Variants in BIRC6 observed in about 807,000 individuals in gnomAD.
BIRC6 encodes the protein dual E2 ubiquitin-conjugating enzyme/E3 ubiquitin-protein ligase BIRC6.
Under a neutral mutation model 503.3 loss-of-function variants are expected in BIRC6, and 98 were observed. The observed-to-expected ratio is 0.19, with a 90% CI of 0.17 to 0.23. BIRC6 has a LOEUF of 0.23. Among genes scored for constraint, BIRC6 ranks in the 10% least tolerant of loss-of-function variants. The pLI is 1.00. For synonymous variants in BIRC6, 2,240 were observed against 2,078.7 expected (o/e 1.08, Z -2.11); for missense variants, 5,360 against 5,806.0 (o/e 0.92, Z 2.50).
At chr2:32,510,378 C>T in intron 52 of BIRC6, 148 bp from the exon 53 acceptor site, 1 of 622,498 alleles carries the variant, frequency 1.6e-6, no homozygotes, top group Non-Finnish European at 2.8e-6. Context: ...TGCACCCAGC[C>T]TAGTTTCATT....
At chr2:32,572,802 T>G (rs1573100306) in intron 65 of BIRC6, among the ~76,000 whole-genome samples, 1 of 152,178 alleles carries the variant, frequency 6.6e-6, no homozygotes. Context: ...CACTGGAAGG[T>G]GTAAAATGAC....
At chr2:32,401,078 G>A (rs2040555593) in intron 6 of BIRC6, 85 bp from the exon 7 acceptor site, 1 of 1,160,232 alleles carries the variant, frequency 8.6e-7, no homozygotes, top group African/African-American at 1.5e-5. Flanking sequence ...GTTAAAAAAA[G>A]ATGATGATCC....
In BIRC6 at chr2:32,429,127, GAA is replaced by G. The variant is rs2043836623; in HGVS notation, c.2873-17_2873-16del. The G allele has an allele frequency of 6.4e-7, 1 of 1,561,826 alleles. No homozygotes were observed. The highest frequency in any genetic ancestry group is 2.3e-5 in the East Asian group (1 of 43,712). On this transcript the variant is annotated splice_polypyrimidine_tract_variant and intron_variant, in intron 10 of 73. Transcript: ENST00000421745. ...GTTTACCTATTTTTCATGTATCTAT[GAA>G]ATTTACTACACTGTAGGTGGTGAGC...
chr2:32,503,241 G>A lies in BIRC6; in HGVS notation c.9499+5G>A. On this transcript the variant is annotated splice_donor_5th_base_variant and intron_variant, in intron 49 of 73. Transcript: ENST00000421745. Reference sequence around the variant, plus strand: ...TTCATAACTTTGCACCCCTCGGTAAGAAAAGTGTTACTAAATCTTACTTAT... The same window carrying A: ...TTCATAACTTTGCACCCCTCGGTAAAAAAAGTGTTACTAAATCTTACTTAT... 6.3e-7 allele frequency: 1 copy of A among 1,590,636 alleles called. No individual in the cohort carries two copies. The highest frequency in any genetic ancestry group is 2.2e-5 in the East Asian group (1 of 44,646).
At position 32,618,064 on chromosome 2, in the gene BIRC6, A is replaced by T. The variant is rs1442300969; in HGVS notation, c.*160A>T. On this transcript the variant is annotated 3_prime_UTR_variant, in exon 74 of 74. Coordinates refer to ENST00000421745, the MANE Select transcript of BIRC6 (RefSeq NM_016252.4). ...TTTAATTCAAGGTGATCTTTTATTT[A>T]CCTGTACAGGAGTGTAAACTTTTTT... 3.0e-5 allele frequency: 22 copies of T among 730,320 alleles called. No homozygotes were observed. Among genetic ancestry groups the T allele is most frequent in the Non-Finnish European group, 4.7e-5 (22 of 473,050 alleles). The allele number at this position is 730,320 out of a possible 1,614,324, so 45.2% of individuals were successfully genotyped here.
chr2:32,507,908 C>T (rs2053970873), intron 50 of BIRC6, 72 bp from the exon 51 acceptor site: 2 of 1,383,128 alleles, frequency 1.4e-6, no homozygotes, highest in African/African-American at 1.5e-5. Context: ...TGCTATTTTA[C>T]TGGGATTTTA....
At chr2:32,493,274 T>C (rs2051985069) in intron 44 of BIRC6, among the ~76,000 whole-genome samples, 1 of 152,090 alleles carries the variant, frequency 6.6e-6, no homozygotes, top group Non-Finnish European at 1.5e-5. Context: ...GTGAACTTTT[T>C]TTAGTATTGA....
intron 66 of BIRC6, among the ~76,000 whole-genome samples, chr2:32,587,959 G>T (rs762714201): frequency 3.3e-5 from 5 of 152,120 alleles, no homozygotes; most frequent in African/African-American, 4.8e-5. Flanking sequence ...GAGACTCATT[G>T]TGTTTGGTTA....
intron 23 of BIRC6, among the ~76,000 whole-genome samples, chr2:32,461,592 T>G (rs1470586757): frequency 1.3e-5 from 2 of 151,248 alleles, no homozygotes; most frequent in East Asian, 1.9e-4. Context: ...GAGTGGTGTT[T>G]TTTTTTTTTT....
chr2:32,452,111 C>A (rs1345765187), intron 22 of BIRC6, among the ~76,000 whole-genome samples: 2 of 152,090 alleles, frequency 1.3e-5, no homozygotes, highest in African/African-American at 4.8e-5. Flanking sequence ...TTTGAATATG[C>A]AAGCATTTTA....
intron 23 of BIRC6, among the ~76,000 whole-genome samples, chr2:32,458,704 T>TC (rs1399695063): frequency 6.3e-5 from 9 of 142,468 alleles, no homozygotes; most frequent in African/African-American, 2.3e-4. Context: ...TTTTTTTTTT[T>TC]TTTTCTGATA....
chr2:32,394,059 CTAAAT>C (rs2039571376), intron 5 of BIRC6, among the ~76,000 whole-genome samples: 1 of 151,188 alleles, frequency 6.6e-6, no homozygotes, highest in Non-Finnish European at 1.5e-5. Flanking sequence ...AATAATTTCT[CTAAAT>C]TAAGGATTGA....
At chr2:32,397,634 A>G (rs1364115773) in intron 6 of BIRC6, among the ~76,000 whole-genome samples, 1 of 141,372 alleles carries the variant, frequency 7.1e-6, no homozygotes, top group African/African-American at 2.6e-5. Flanking sequence ...ATATATGTAT[A>G]TATATACACA....
intron 6 of BIRC6, among the ~76,000 whole-genome samples, chr2:32,400,434 G>A (rs2040479413): frequency 6.6e-6 from 1 of 151,040 alleles, no homozygotes; most frequent in East Asian, 1.9e-4. Flanking sequence ...CGCCTCCTGG[G>A]TTCAAGCAAT....
At chr2:32,448,477 C>T (rs1166446783) in intron 21 of BIRC6, among the ~76,000 whole-genome samples, 1 of 151,726 alleles carries the variant, frequency 6.6e-6, no homozygotes, top group Non-Finnish European at 1.5e-5. Flanking sequence ...AGCAAAACCC[C>T]GTCTCCACCA....
At chr2:32,475,884 A>AT (rs1365070257) in intron 33 of BIRC6, among the ~76,000 whole-genome samples, 3 of 151,978 alleles carry the variant, frequency 2.0e-5, no homozygotes, top group African/African-American at 4.8e-5. Flanking sequence ...GCAATAAAAT[A>AT]TTTTTCTCAT....
rs1275860077 is a variant in BIRC6, at chr2:32,508,072, A to C, written c.9793A>C (p.Ile3265Leu). ...TGTTGTCACAAGTGGCCTCACCTAC[A>C]TAAAAATTCAGCTTGTAAAAGCCGA... The part of the protein sequence containing the change: ...TPVVTSGLTY[I>L]KIQLVKAEVA... The change falls in exon 51 of 74, where the codon ATA becomes CTA. Residue 3265 changes from isoleucine (I) to leucine (L), a missense_variant. By Grantham distance (5) the Ile-to-Leu change is conservative. Transcript: ENST00000421745. The C allele has an allele frequency of 6.2e-7, 1 of 1,613,816 alleles. No homozygotes were observed. Among genetic ancestry groups the C allele is most frequent in the Admixed American group, 1.7e-5 (1 of 59,992 alleles).
At chr2:32,366,175 AT>A (rs1243753080) in intron 1 of BIRC6, among the ~76,000 whole-genome samples, 2 of 152,202 alleles carry the variant, frequency 1.3e-5, no homozygotes, top group Non-Finnish European at 2.9e-5. Flanking sequence ...CCAGCCAGCA[AT>A]TTTAATTATT....
At chr2:32,490,805 A>C (rs2051610210) in intron 43 of BIRC6, among the ~76,000 whole-genome samples, 1 of 152,180 alleles carries the variant, frequency 6.6e-6, no homozygotes, top group Non-Finnish European at 1.5e-5. Flanking sequence ...ATTCATAAAC[A>C]TGCATAACTA....
Sources: allele counts gnomAD v4.1 joint callset (sites outside exome capture counted in the v4.1 genomes callset), GRCh38; gene constraint gnomAD v4.1.1; transcripts MANE v1.5; gene names NCBI Gene and HGNC (gene_info 2026-07-23, HGNC 2026-07-21).